VPS35L: variants seen among roughly 807,000 people sequenced by gnomAD.
VPS35L encodes VPS35 endosomal protein-sorting factor-like.
In VPS35L, 83 loss-of-function variants were observed where a neutral mutation model predicts 133.0. The observed-to-expected ratio is 0.62, with a 90% CI of 0.52 to 0.75. The LOEUF (loss-of-function observed/expected upper bound fraction) is 0.75. VPS35L is among the 30% of genes least tolerant of loss of function. VPS35L has a pLI of 0.00. For missense variants in VPS35L, 1,083 were observed against 1,206.8 expected (o/e 0.90, Z 1.52); for synonymous variants, 423 against 449.9 (o/e 0.94, Z 0.76).
intron 29 of VPS35L, 93 bp downstream of exon 29, chr16:19,691,564 T>A: frequency 2.1e-6 from 2 of 950,990 alleles, no homozygotes; most frequent in Non-Finnish European, 3.3e-6. Flanking sequence ...GAAAGGAAAC[T>A]ATGTCATGTG....
At chr16:19,691,623 G>C in intron 29 of VPS35L, 152 bp downstream of exon 29, 1 of 597,540 alleles carries the variant, frequency 1.7e-6, no homozygotes, top group Non-Finnish European at 3.0e-6. Flanking sequence ...TGGGGCCTTC[G>C]CTCCTGCTGT....
In VPS35L at chr16:19,575,031, C is replaced by T; in HGVS notation, c.409-67C>T. 8.1e-6 allele frequency: 11 copies of T among 1,350,122 alleles called. No individual in the cohort carries two copies. In the South Asian group the frequency reaches 1.2e-4, roughly 15 times the overall value. 83.6% of individuals were successfully genotyped at this position (1,350,122 alleles called of 1,614,324 possible). On this transcript the variant is annotated intron_variant, in intron 4 of 30. Coordinates refer to ENST00000417362, the MANE Select transcript of VPS35L (RefSeq NM_020314.7). The stretch of plus-strand genomic sequence containing the variant: ...CTTTCTCTTGGGTATGTAAATGGCT[C>T]TGTTGGAAAACAATGAACATACTGC...
At position 19,579,229 on chromosome 16, in the gene VPS35L, C is replaced by T. The variant is rs1473160364; in HGVS notation, c.510+101C>T. 22 of 1,093,068 alleles carry T rather than the reference C, an allele frequency of 2.0e-5. No homozygotes were observed. In the Admixed American group the frequency reaches 4.2e-4, roughly 21 times the overall value. The allele number at this position is 1,093,068 out of a possible 1,614,324, so 67.7% of individuals were successfully genotyped here. A position where few individuals can be genotyped will look rare whatever the true frequency, so the allele number is the denominator to read the frequency against. On this transcript the variant is annotated intron_variant, in intron 6 of 30. Coordinates refer to ENST00000417362, the MANE Select transcript of VPS35L (RefSeq NM_020314.7). ...GGCTGCTCTTTGATTAATTCCTGGG[C>T]TGCGCATTGTGCTTGGTCCTCTCGA...
intron 23 of VPS35L, among the ~76,000 whole-genome samples, chr16:19,647,563 A>G (rs1319716211): frequency 6.6e-6 from 1 of 152,192 alleles, no homozygotes; most frequent in East Asian, 1.9e-4. Flanking sequence ...CAGCTGACAA[A>G]CAATATCCCA....
At chr16:19,634,445 GT>G (rs1350940182) in intron 19 of VPS35L, among the ~76,000 whole-genome samples, 4 of 148,980 alleles carry the variant, frequency 2.7e-5, no homozygotes, top group Non-Finnish European at 5.9e-5. Context: ...ACCCACTAAT[GT>G]GAAATACCCA....
At chr16:19,696,951 G>A (rs891449253) in intron 29 of VPS35L, among the ~76,000 whole-genome samples, 6 of 152,184 alleles carry the variant, frequency 3.9e-5, no homozygotes, top group African/African-American at 1.4e-4. Context: ...TGGGGCTCCC[G>A]TTCTCCCAGG....
chr16:19,667,015 G>T (rs1437205326), intron 26 of VPS35L, among the ~76,000 whole-genome samples: 1 of 117,140 alleles, frequency 8.5e-6, no homozygotes, highest in African/African-American at 3.3e-5. Context: ...ACAGAGCATT[G>T]CTCTGTTGCC....
At chr16:19,601,935 T>A (rs539053652) in intron 9 of VPS35L, among the ~76,000 whole-genome samples, 5 of 152,198 alleles carry the variant, frequency 3.3e-5, no homozygotes, top group Non-Finnish European at 7.3e-5. Context: ...AGGCAAGTCA[T>A]TTGAATCTGC....
chr16:19,620,429 T>C (rs934933681), intron 14 of VPS35L, among the ~76,000 whole-genome samples: 6 of 152,204 alleles, frequency 3.9e-5, no homozygotes, highest in African/African-American at 1.4e-4. Flanking sequence ...TAATGCATTA[T>C]AGTTATGTAA....
intron 26 of VPS35L, among the ~76,000 whole-genome samples, chr16:19,663,045 C>T (rs1263443835): frequency 6.6e-6 from 1 of 152,100 alleles, no homozygotes; most frequent in Admixed American, 6.6e-5. Flanking sequence ...CACAGTGGCT[C>T]ATGGCTATAA....
intron 19 of VPS35L, among the ~76,000 whole-genome samples, chr16:19,636,469 A>G (rs749535603): frequency 3.3e-5 from 5 of 152,316 alleles, no homozygotes; most frequent in South Asian, 2.1e-4. Context: ...TTCTTGTTCT[A>G]AAGGGATTAG....
chr16:19,682,448 G>C (rs981388316), intron 28 of VPS35L, 58 bp downstream of exon 28: 1 of 1,536,844 alleles, frequency 6.5e-7, no homozygotes, highest in African/African-American at 1.4e-5. Flanking sequence ...AAGGCAGACA[G>C]AATGCTTTCA....
intron 7 of VPS35L, among the ~76,000 whole-genome samples, chr16:19,588,680 T>C (rs913546177): frequency 3.3e-5 from 5 of 152,210 alleles, no homozygotes; most frequent in African/African-American, 1.2e-4. Context: ...TGCATAAATT[T>C]TGCCATCTGT....
At position 19,603,972 on chromosome 16, in the gene VPS35L, TCCAC is replaced by T. The variant is rs558001654; in HGVS notation, c.784+2255_784+2258del. On this transcript the variant is annotated intron_variant, in intron 9 of 30. Transcript: ENST00000417362. ...GTCTTCAACTCCTGACCTCAGGTGA[TCCAC>T]CCACCTTGGCCTCCCAAAGTGCTGG... Among the ~76,000 whole-genome samples, 507 of 152,234 alleles carry T rather than the reference TCCAC, an allele frequency of 3.3e-3. 7 individuals are homozygous for T. Among genetic ancestry groups the T allele is most frequent in the African/African-American group, 0.012 (496 of 41,540 alleles).
At position 19,699,731 on chromosome 16, in the gene VPS35L, C is replaced by G. The variant is rs1177848164; in HGVS notation, c.2793+83C>G. The G allele has an allele frequency of 6.5e-6, 10 of 1,546,428 alleles. No individual in the cohort carries two copies. The highest frequency in any genetic ancestry group is 8.8e-6 in the Non-Finnish European group (10 of 1,135,444). On this transcript the variant is annotated intron_variant, in intron 30 of 30. Transcript: ENST00000417362. The surrounding 1 kb of genome is among the most constrained non-coding windows in gnomAD (Gnocchi z 4.2). ...CAACACAGCATTGTGGCCTGGACAT[C>G]AGACAGACAACCCCATACTCCCCTT...
At position 19,556,281 on chromosome 16, in the gene VPS35L, G is replaced by A. The variant is rs188530565; in HGVS notation, c.17+535G>A. ...TAATGGGGCAGACGCACAGTAGAGG[G>A]ATGTCTAAAGAAGGCATTCGGATGA... On this transcript the variant is annotated intron_variant, in intron 1 of 30. Transcript: ENST00000417362. Among the ~76,000 whole-genome samples, 35 of 152,328 alleles carry A rather than the reference G, an allele frequency of 2.3e-4. No homozygotes were observed. The Middle Eastern group carries it at 0.01, about 44-fold the overall frequency.
chr16:19,671,606 G>A (rs1300284024), intron 27 of VPS35L, among the ~76,000 whole-genome samples: 9 of 151,662 alleles, frequency 5.9e-5, no homozygotes, highest in East Asian at 1.9e-4. Context: ...GTAAAACCCC[G>A]TCTCTACTAA....
chr16:19,690,021 T>C (rs1250864694), intron 28 of VPS35L, among the ~76,000 whole-genome samples: 5 of 152,102 alleles, frequency 3.3e-5, no homozygotes, highest in African/African-American at 1.2e-4. Context: ...CAAGCAGTCC[T>C]CCCACCTTAG....
intron 9 of VPS35L, among the ~76,000 whole-genome samples, chr16:19,606,091 T>C (rs1297891213): frequency 2.6e-5 from 4 of 152,258 alleles, no homozygotes; most frequent in Non-Finnish European, 4.4e-5. Flanking sequence ...TATTGGTGTA[T>C]GCAGATTGTC....
Sources: gnomAD v4.1 joint callset for allele counts (sites outside exome capture counted in the v4.1 genomes callset) on GRCh38, gnomAD v4.1.1 for gene constraint, Gnocchi (gnomAD v3.1) non-coding constraint, MANE v1.5 for transcripts, NCBI Gene and HGNC (gene_info 2026-07-23, HGNC 2026-07-21) for gene names.